The following MAPKAPK3 variants were observed in gnomAD, a reference collection of about 807,000 sequenced individuals.
MAPKAPK3 encodes MAPK activated protein kinase 3, also known as MAP kinase-activated protein kinase 3.
Under a neutral mutation model 49.2 loss-of-function variants are expected in MAPKAPK3, and 35 were observed. That is an observed-to-expected ratio of 0.71 (90% confidence interval 0.54 to 0.94). MAPKAPK3 has a LOEUF of 0.94. Ranked by LOEUF, MAPKAPK3 falls within the 40% of genes least tolerant of loss-of-function variation. The pLI, the probability that MAPKAPK3 is intolerant of heterozygous loss-of-function variation, is 0.00. For missense variants in MAPKAPK3, 398 were observed against 493.1 expected (o/e 0.81, Z 1.83); for synonymous variants, 178 against 188.7 (o/e 0.94, Z 0.46).
At chr3:50,623,533 G>C (rs911887885) in intron 2 of MAPKAPK3, among the ~76,000 whole-genome samples, 12 of 152,130 alleles carry the variant, frequency 7.9e-5, no homozygotes, top group African/African-American at 2.9e-4. Flanking sequence ...TTCAGGCCTT[G>C]GTGCTGTGGA....
intron 2 of MAPKAPK3, among the ~76,000 whole-genome samples, chr3:50,627,597 G>C (rs2032790900): frequency 6.6e-6 from 1 of 152,170 alleles, no homozygotes; most frequent in Admixed American, 6.5e-5. Context: ...ACCCTAGGCA[G>C]GCCCAGGAGA....
At chr3:50,635,003 C>T (rs962877868) in intron 2 of MAPKAPK3, among the ~76,000 whole-genome samples, 1 of 152,178 alleles carries the variant, frequency 6.6e-6, no homozygotes, top group African/African-American at 2.4e-5. Flanking sequence ...ACTTATCTCC[C>T]CCACCCTATA....
At chr3:50,633,208 T>G (rs2032955277) in intron 2 of MAPKAPK3, among the ~76,000 whole-genome samples, 1 of 152,112 alleles carries the variant, frequency 6.6e-6, no homozygotes, top group Non-Finnish European at 1.5e-5. Context: ...CACCTCTCCG[T>G]GGCCAGTTCT....
At chr3:50,634,750 C>T (rs542320348) in intron 2 of MAPKAPK3, among the ~76,000 whole-genome samples, 5 of 152,308 alleles carry the variant, frequency 3.3e-5, no homozygotes, top group African/African-American at 1.2e-4. Context: ...CTCGGTCTCC[C>T]AAAATGTTAG....
Position 50,646,205 on chromosome 3 carries a change from G to C in MAPKAPK3, c.770G>C (p.Arg257Thr). The C allele has an allele frequency of 1.9e-6, 3 of 1,614,198 alleles. No homozygotes were observed. The highest frequency in any genetic ancestry group is 2.7e-5 in the African/African-American group (2 of 75,052). The stretch of plus-strand genomic sequence containing the variant: ...GCCATCTCCCCGGGGATGAAGAGGA[G>C]GATTCGCCTGGGCCAGTACGGCTTC... ...GQAISPGMKR[R>T]IRLGQYGFPN... The change falls in exon 8 of 11, where the codon AGG becomes ACG. Residue 257 changes from arginine (R) to threonine (T), a missense_variant. By Grantham distance (71) the Arg-to-Thr change is moderately conservative. Transcript: ENST00000621469.
chr3:50,611,960 G>A (rs1339287811), exon 1 of MAPKAPK3: 1 of 421,724 alleles, frequency 2.4e-6, no homozygotes, highest in Admixed American at 4.5e-5. Flanking sequence ...GCCGGGTCTG[G>A]GGCCCTGAGC....
chr3:50,643,989 A>G lies in MAPKAPK3; in HGVS notation c.505-420A>G, dbSNP rs1230036020. On this transcript the variant is annotated intron_variant, in intron 5 of 10. Coordinates refer to ENST00000621469, the MANE Select transcript of MAPKAPK3 (RefSeq NM_001243925.2). The stretch of plus-strand genomic sequence containing the variant: ...CAACCAGGGCCTTCTCCCCTGAGCA[A>G]CCTCAGATGGGGCTGTCCTTCTAGC... Among the ~76,000 whole-genome samples the G allele has an allele frequency of 2.0e-5, 3 of 152,036 alleles. No homozygotes were observed. In the East Asian group the frequency reaches 5.8e-4, roughly 29 times the overall value.
At chr3:50,612,684 A>G (rs2032364661), upstream of MAPKAPK3, 1 of 151,848 alleles carries the variant, frequency 6.6e-6, no homozygotes, top group Non-Finnish European at 1.5e-5. Context: ...ACAGCCCCAG[A>G]TGGCCCGGAC....
At chr3:50,642,376 T>C in intron 5 of MAPKAPK3, 44 bp downstream of exon 5, 4 of 1,402,722 alleles carry the variant, frequency 2.9e-6, no homozygotes, top group Non-Finnish European at 4.0e-6. Flanking sequence ...GAAGAGGATA[T>C]TGTCCCACTC....
Position 50,617,627 on chromosome 3 carries a change from G to T in MAPKAPK3, c.62G>T (p.Gly21Val), listed in dbSNP as rs776254646. ...GPVPPPVAPG[G>V]PGLGGAPGGR... ...GTGCCCCCGCCAGTTGCACCCGGCG[G>T]ACCCGGCTTGGGCGGTGCTCCGGGG... Residue 21 changes from glycine to valine, a missense_variant, in exon 2 of 11, where the codon GGA becomes GTA. Transcript: ENST00000621469. The T allele has an allele frequency of 1.2e-6, 2 of 1,608,058 alleles. No individual in the cohort carries two copies. Among genetic ancestry groups the T allele is most frequent in the Non-Finnish European group, 1.7e-6 (2 of 1,175,848 alleles).
upstream of MAPKAPK3, among the ~76,000 whole-genome samples, chr3:50,613,244 A>G (rs2032381962): frequency 6.6e-6 from 1 of 152,170 alleles, no homozygotes; most frequent in Admixed American, 6.5e-5. Flanking sequence ...GATAGCATCC[A>G]GGGAAGACAG....
intron 2 of MAPKAPK3, among the ~76,000 whole-genome samples, chr3:50,623,425 T>TA (rs2032659190): frequency 6.6e-6 from 1 of 152,216 alleles, no homozygotes; most frequent in Non-Finnish European, 1.5e-5. Flanking sequence ...CTTACTGTTT[T>TA]CGAAGCTGTG....
intron 5 of MAPKAPK3, among the ~76,000 whole-genome samples, 160 bp from the exon 6 acceptor site, chr3:50,644,249 A>G (rs1299529191): frequency 6.6e-6 from 1 of 152,116 alleles, no homozygotes; most frequent in Non-Finnish European, 1.5e-5. Flanking sequence ...GTTTCTCTAT[A>G]TTTGGCCCAT....
chr3:50,625,087 A>C (rs1335572118), intron 2 of MAPKAPK3, among the ~76,000 whole-genome samples: 1 of 152,142 alleles, frequency 6.6e-6, no homozygotes, highest in Non-Finnish European at 1.5e-5. Flanking sequence ...TTTGGACTAA[A>C]GGCAGTTTCA....
chr3:50,618,846 C>T (rs960922661), intron 2 of MAPKAPK3, among the ~76,000 whole-genome samples: 1 of 152,150 alleles, frequency 6.6e-6, no homozygotes, highest in African/African-American at 2.4e-5. Context: ...TGCGCCACCA[C>T]GCCCAGCTAA....
chr3:50,627,809 G>A (rs1250351919), intron 2 of MAPKAPK3, among the ~76,000 whole-genome samples: 1 of 152,136 alleles, frequency 6.6e-6, no homozygotes, highest in Non-Finnish European at 1.5e-5. Flanking sequence ...CTGGCTGAAC[G>A]TGAGCAGGAG....
intron 2 of MAPKAPK3, among the ~76,000 whole-genome samples, chr3:50,625,513 G>A (rs567441017): frequency 3.3e-5 from 5 of 152,196 alleles, no homozygotes; most frequent in Admixed American, 6.5e-5. Context: ...CGAGGCTCCC[G>A]TTTGGGGAAC....
chr3:50,615,976 C>T (rs1344128343), upstream of MAPKAPK3, among the ~76,000 whole-genome samples: 1 of 152,218 alleles, frequency 6.6e-6, no homozygotes, highest in Non-Finnish European at 1.5e-5. Flanking sequence ...CGTGAGTGTG[C>T]GTGTGTTAAC....
chr3:50,641,641 G>A, intron 3 of MAPKAPK3, 66 bp from the exon 4 acceptor site: 1 of 1,306,448 alleles, frequency 7.7e-7, no homozygotes, highest in Non-Finnish European at 1.1e-6. Flanking sequence ...CTATGATTTG[G>A]GGCAGGGGCA....
Sources: allele counts gnomAD v4.1 joint callset (sites outside exome capture counted in the v4.1 genomes callset), GRCh38; gene constraint gnomAD v4.1.1; transcripts MANE v1.5; gene names NCBI Gene and HGNC (gene_info 2026-07-23, HGNC 2026-07-21).